NXPH1: variants seen among roughly 807,000 people sequenced by gnomAD.
NXPH1 encodes neurexophilin 1, also known as neurexophilin-1.
In NXPH1, 5 loss-of-function variants were observed where a neutral mutation model predicts 23.7. The ratio of observed to expected loss-of-function variants is 0.21; its 90% confidence interval spans 0.11 to 0.44. The LOEUF is 0.44. NXPH1 is among the 20% of genes least tolerant of loss of function. The pLI, the probability that NXPH1 is intolerant of heterozygous loss-of-function variation, is 0.99. For missense variants in NXPH1, 324 were observed against 321.6 expected (o/e 1.01, Z -0.06); for synonymous variants, 144 against 122.2 (o/e 1.18, Z -1.18).
intron 2 of NXPH1, among the ~76,000 whole-genome samples, chr7:8,569,809 C>T (rs181100865): frequency 1.3e-5 from 2 of 151,994 alleles, no homozygotes; most frequent in East Asian, 3.9e-4. Context: ...CTACTCAACA[C>T]TGAAGGCTGA....
intron 2 of NXPH1, among the ~76,000 whole-genome samples, chr7:8,693,542 C>CTAATA: frequency 6.6e-6 from 1 of 152,258 alleles, no homozygotes; most frequent in Admixed American, 6.5e-5. Context: ...AACTTTGTTT[C>CTAATA]CTCATCTCTA....
At chr7:8,504,349 T>C (rs958836207) in intron 2 of NXPH1, among the ~76,000 whole-genome samples, 2 of 152,094 alleles carry the variant, frequency 1.3e-5, no homozygotes, top group Non-Finnish European at 2.9e-5. Flanking sequence ...ATTTTGTTTA[T>C]ATATAATTGT....
chr7:8,448,592 G>A (rs898308818), intron 2 of NXPH1, among the ~76,000 whole-genome samples: 2 of 152,088 alleles, frequency 1.3e-5, no homozygotes, highest in Non-Finnish European at 1.5e-5. Context: ...CGAGGCGGGC[G>A]GATTGCTTGA....
chr7:8,482,977 T>C (rs1254340731), intron 2 of NXPH1, among the ~76,000 whole-genome samples: 1 of 152,242 alleles, frequency 6.6e-6, no homozygotes, highest in Non-Finnish European at 1.5e-5. Context: ...CATTACATTT[T>C]GTTGTCAATA....
chr7:8,510,420 G>C lies in NXPH1; in HGVS notation c.54+74653G>C, dbSNP rs934219104. Among the ~76,000 whole-genome samples the C allele has an allele frequency of 3.3e-5, 5 of 152,038 alleles. No homozygotes were observed. In the East Asian group the frequency reaches 7.8e-4, roughly 24 times the overall value. ...GATGACAAAGTTGAGGCATAGGGAG[G>C]CTGAGACAATTATCTGTAGTAGAAT... is the stretch of plus-strand genomic sequence containing the variant. On this transcript the variant is annotated intron_variant, in intron 2 of 2. Transcript: ENST00000405863.
chr7:8,622,449 A>G (rs1365198571), intron 2 of NXPH1, among the ~76,000 whole-genome samples: 1 of 152,180 alleles, frequency 6.6e-6, no homozygotes, highest in East Asian at 1.9e-4. Context: ...GTGGCCAAAA[A>G]GTACATATGA....
intron 2 of NXPH1, among the ~76,000 whole-genome samples, chr7:8,587,143 A>G (rs893913285): frequency 2.0e-5 from 3 of 152,154 alleles, no homozygotes; most frequent in Non-Finnish European, 2.9e-5. Flanking sequence ...GTCATATCTC[A>G]GGCACCATGT....
chr7:8,577,076 A>G (rs1374512229), intron 2 of NXPH1, among the ~76,000 whole-genome samples: 1 of 152,120 alleles, frequency 6.6e-6, no homozygotes, highest in African/African-American at 2.4e-5. Context: ...AATGATAATA[A>G]TATTAATACT....
intron 2 of NXPH1, among the ~76,000 whole-genome samples, chr7:8,477,449 A>C (rs999094491): frequency 1.3e-5 from 2 of 152,146 alleles, no homozygotes; most frequent in Non-Finnish European, 2.9e-5. Context: ...TTTTGTGGAC[A>C]TGAGGATGAC....
At chr7:8,608,279 C>G (rs1195537689) in intron 2 of NXPH1, among the ~76,000 whole-genome samples, 4 of 151,588 alleles carry the variant, frequency 2.6e-5, no homozygotes, top group African/African-American at 7.3e-5. Flanking sequence ...AAATGGAAGT[C>G]TTGAAAGTCC....
chr7:8,508,098 G>A (rs1817559561), intron 2 of NXPH1, among the ~76,000 whole-genome samples: 1 of 152,064 alleles, frequency 6.6e-6, no homozygotes, highest in Admixed American at 6.6e-5. Flanking sequence ...GTATATCACT[G>A]TCAAATCATG....
intron 2 of NXPH1, among the ~76,000 whole-genome samples, chr7:8,666,857 T>C (rs1820779777): frequency 6.6e-6 from 1 of 152,064 alleles, no homozygotes; most frequent in Non-Finnish European, 1.5e-5. Flanking sequence ...TGTATTTCTG[T>C]GGTATTAGTT....
intron 2 of NXPH1, among the ~76,000 whole-genome samples, chr7:8,743,917 C>A (rs1283474922): frequency 6.6e-6 from 1 of 152,122 alleles, no homozygotes; most frequent in African/African-American, 2.4e-5. Context: ...ACCTCCCGAC[C>A]TTGTGATCCG....
chr7:8,732,011 C>G (rs1488194073), intron 2 of NXPH1, among the ~76,000 whole-genome samples: 1 of 152,240 alleles, frequency 6.6e-6, no homozygotes, highest in Non-Finnish European at 1.5e-5. Context: ...GGCATAGGAC[C>G]CTCCGAGCCA....
intron 2 of NXPH1, among the ~76,000 whole-genome samples, chr7:8,576,261 G>A (rs1271053786): frequency 6.6e-6 from 1 of 152,156 alleles, no homozygotes; most frequent in Non-Finnish European, 1.5e-5. Flanking sequence ...TGAACACTGT[G>A]TTGGGCACTG....
rs1230297588 is a variant in NXPH1 at position 8,659,035 on chromosome 7, A to G, written c.55-91973A>G. ...TTTTTTTTTTTGCTAAAACAGAAAAAGTATAAGGTGAATGCCCCAGCAAAT... is the reference window on the plus strand; with the variant it reads ...TTTTTTTTTTTGCTAAAACAGAAAAGGTATAAGGTGAATGCCCCAGCAAAT... On this transcript the variant is annotated intron_variant, in intron 2 of 2. Coordinates refer to ENST00000405863, the MANE Select transcript of NXPH1 (RefSeq NM_152745.3). Among the ~76,000 whole-genome samples the G allele has an allele frequency of 3.7e-4, 8 of 21,672 alleles. 2 individuals are homozygous for G. The highest frequency in any genetic ancestry group is 1.9e-3 in the Admixed American group (3 of 1,612). 14.2% of individuals were successfully genotyped at this position (21,672 alleles called of 152,430 possible). A position where few individuals can be genotyped will look rare whatever the true frequency, so the allele number is the denominator to read the frequency against.
chr7:8,575,257 A>C (rs1021094846), intron 2 of NXPH1, among the ~76,000 whole-genome samples: 1 of 152,212 alleles, frequency 6.6e-6, no homozygotes, highest in Non-Finnish European at 1.5e-5. Context: ...GGGAAAAATG[A>C]TAAGTTTTCT....
chr7:8,739,140 C>A (rs1217192833), intron 2 of NXPH1, among the ~76,000 whole-genome samples: 1 of 119,926 alleles, frequency 8.3e-6, no homozygotes, highest in Non-Finnish European at 1.6e-5. Context: ...TGAACGGTTT[C>A]GTCTCACTGG....
intron 2 of NXPH1, among the ~76,000 whole-genome samples, chr7:8,614,670 A>G (rs1819696869): frequency 6.6e-6 from 1 of 152,036 alleles, no homozygotes; most frequent in South Asian, 2.1e-4. Context: ...TCTTTGGGAA[A>G]AATGAAACTC....
Sources: allele counts gnomAD v4.1 joint callset (sites outside exome capture counted in the v4.1 genomes callset), GRCh38; gene constraint gnomAD v4.1.1; transcripts MANE v1.5; gene names NCBI Gene and HGNC (gene_info 2026-07-23, HGNC 2026-07-21).